The following CAMTA1 variants were observed in gnomAD, a reference collection of about 807,000 sequenced individuals.
CAMTA1 encodes calmodulin-binding transcription activator 1.
A neutral mutation model predicts 170.9 loss-of-function variants in CAMTA1; 27 were observed. That is an observed-to-expected ratio of 0.16 (90% CI 0.12 to 0.22). The LOEUF is 0.22. CAMTA1 is among the 10% of genes least tolerant of loss of function. CAMTA1 has a pLI of 1.00. For missense variants in CAMTA1, 1,619 were observed against 2,217.2 expected, an observed-to-expected ratio of 0.73 and a Z score of 5.42; for synonymous variants, 833 against 891.5, an observed-to-expected ratio of 0.93 and a Z score of 1.17.
At chr1:7,087,222 C>T (rs887881894) in intron 3 of CAMTA1, among the ~76,000 whole-genome samples, 3 of 152,202 alleles carry the variant, frequency 2.0e-5, no homozygotes, top group Non-Finnish European at 4.4e-5. Context: ...TTCACAACTC[C>T]TTCCCCTCGT....
chr1:6,829,200 G>T (rs1161638951), intron 3 of CAMTA1, among the ~76,000 whole-genome samples: 1 of 152,128 alleles, frequency 6.6e-6, no homozygotes, highest in African/African-American at 2.4e-5. Context: ...ACCGTTCCTG[G>T]CCTGTAATGT....
At chr1:7,411,795 A>G (rs1410214156) in intron 5 of CAMTA1, among the ~76,000 whole-genome samples, 4 of 151,858 alleles carry the variant, frequency 2.6e-5, no homozygotes, top group African/African-American at 9.7e-5. Context: ...TTTAGGGTAC[A>G]TGTGCACAAT....
intron 5 of CAMTA1, among the ~76,000 whole-genome samples, chr1:7,462,647 A>T (rs548378249): frequency 1.3e-5 from 2 of 152,212 alleles, no homozygotes; most frequent in Admixed American, 6.5e-5. Context: ...TACTCATGAC[A>T]CTTGAAAATC....
chr1:7,632,029 C>T (rs549103037), intron 6 of CAMTA1, among the ~76,000 whole-genome samples: 47 of 151,940 alleles, frequency 3.1e-4, no homozygotes, highest in Non-Finnish European at 5.0e-4. Context: ...TCGCCCAGTG[C>T]CGCCCAGTGC....
intron 1 of CAMTA1, among the ~76,000 whole-genome samples, chr1:6,808,371 C>T (rs1158102803): frequency 6.6e-6 from 1 of 152,072 alleles, no homozygotes; most frequent in Non-Finnish European, 1.5e-5. Flanking sequence ...TTCCAAGGTC[C>T]CACAGTGTCT....
intron 3 of CAMTA1, among the ~76,000 whole-genome samples, chr1:7,090,618 A>G (rs1243019449): frequency 6.6e-6 from 1 of 152,178 alleles, no homozygotes; most frequent in East Asian, 1.9e-4. Context: ...TAAATCAGTA[A>G]TTCTATCTGC....
intron 3 of CAMTA1, among the ~76,000 whole-genome samples, chr1:6,993,084 A>G (rs895701209): frequency 2.0e-5 from 3 of 152,138 alleles, no homozygotes; most frequent in Admixed American, 2.0e-4. Context: ...CCACTAATCT[A>G]TTTGTCTGTC....
At chr1:7,157,115 G>A (rs1002931564) in intron 4 of CAMTA1, among the ~76,000 whole-genome samples, 16 of 152,022 alleles carry the variant, frequency 1.1e-4, no homozygotes, top group African/African-American at 3.9e-4. Context: ...AGGCTGAGGT[G>A]GGCAGTTCAC....
rs987284915 is a variant in CAMTA1 at position 7,450,114 on chromosome 1, T to C, written c.439-17716T>C. Among the ~76,000 whole-genome samples, 2 of 152,214 alleles carry C rather than the reference T, an allele frequency of 1.3e-5. 1 individual carries two copies. On this transcript the variant is annotated intron_variant, in intron 5 of 22. Coordinates refer to ENST00000303635, the MANE Select transcript of CAMTA1 (RefSeq NM_015215.4). ...CCCCTTGGGGACTGCAGGCACCAAC[T>C]TGGAGGCCACCATCCCGCAAGCCAT...
chr1:6,857,247 G>A (rs1367997065), intron 3 of CAMTA1, among the ~76,000 whole-genome samples: 1 of 152,154 alleles, frequency 6.6e-6, no homozygotes, highest in Admixed American at 6.5e-5. Context: ...GATGGGGTTT[G>A]GAAATAGAGT....
intron 5 of CAMTA1, among the ~76,000 whole-genome samples, chr1:7,347,995 AG>A (rs2084349312): frequency 6.6e-6 from 1 of 152,160 alleles, no homozygotes; most frequent in Non-Finnish European, 1.5e-5. Context: ...TCAGCTTAGG[AG>A]GACAGTGGTT....
chr1:7,503,562 C>T (rs377426691), intron 6 of CAMTA1, among the ~76,000 whole-genome samples: 8 of 152,312 alleles, frequency 5.3e-5, no homozygotes, highest in African/African-American at 1.9e-4. Flanking sequence ...ACCTGGGCCT[C>T]ATCTGCCTTT....
chr1:7,624,043 C>T (rs1253980575), intron 6 of CAMTA1, among the ~76,000 whole-genome samples: 1 of 152,244 alleles, frequency 6.6e-6, no homozygotes, highest in Non-Finnish European at 1.5e-5. Context: ...TCACACTTCA[C>T]AAATGCTTTC....
chr1:7,311,077 G>A (rs1280933463), intron 5 of CAMTA1, among the ~76,000 whole-genome samples: 1 of 152,136 alleles, frequency 6.6e-6, no homozygotes, highest in East Asian at 1.9e-4. Context: ...TGATTCTGAT[G>A]TATCTGATTA....
intron 1 of CAMTA1, among the ~76,000 whole-genome samples, chr1:6,797,247 G>C (rs1642741030): frequency 6.6e-6 from 1 of 152,192 alleles, no homozygotes; most frequent in Non-Finnish European, 1.5e-5. Flanking sequence ...TTTTTGTAGA[G>C]ACGGGGTTTT....
At chr1:6,912,940 C>T (rs1005084231) in intron 3 of CAMTA1, among the ~76,000 whole-genome samples, 12 of 152,192 alleles carry the variant, frequency 7.9e-5, no homozygotes, top group Admixed American at 3.9e-4. Context: ...TGAACCCAGC[C>T]CAGGCCCTGT....
chr1:7,307,530 A>G lies in CAMTA1; in HGVS notation c.438+57904A>G, dbSNP rs1375511328. Among the ~76,000 whole-genome samples the G allele has an allele frequency of 3.3e-5, 5 of 152,134 alleles. No homozygotes were observed. In the East Asian group the frequency reaches 9.6e-4, roughly 29 times the overall value. On this transcript the variant is annotated intron_variant, in intron 5 of 22. Transcript: ENST00000303635. ...GCCATGTTCCTGATATTAGAGGGAA[A>G]ACATTCAAGTCTTTCACCATTAAGT...
chr1:7,638,456 T>C (rs191214796), intron 6 of CAMTA1, among the ~76,000 whole-genome samples: 2 of 152,024 alleles, frequency 1.3e-5, no homozygotes, highest in Non-Finnish European at 2.9e-5. Flanking sequence ...GCCTGACCAA[T>C]ATGGTGAAAC....
chr1:6,949,930 G>A (rs770241688), intron 3 of CAMTA1, among the ~76,000 whole-genome samples: 1 of 152,212 alleles, frequency 6.6e-6, no homozygotes, highest in Non-Finnish European at 1.5e-5. Context: ...ACAGGAAAAG[G>A]CACTGAGACT....
Sources: allele counts gnomAD v4.1 joint callset (sites outside exome capture counted in the v4.1 genomes callset), GRCh38; gene constraint gnomAD v4.1.1; transcripts MANE v1.5; gene names NCBI Gene and HGNC (gene_info 2026-07-23, HGNC 2026-07-21).